Variants in FDFT1 observed in about 807,000 individuals in gnomAD.
FDFT1 encodes farnesyl-diphosphate farnesyltransferase 1, also known as squalene synthase.
A neutral mutation model predicts 46.8 loss-of-function variants in FDFT1; 68 were observed. The observed-to-expected ratio is 1.45, with a 90% CI of 1.19 to 1.78. FDFT1 has a LOEUF of 1.78. Ranked by LOEUF, FDFT1 falls within the 40% of genes most tolerant of loss-of-function variation. The pLI, the probability that FDFT1 is intolerant of heterozygous loss-of-function variation, is 0.00. For synonymous variants in FDFT1, 351 were observed against 185.1 expected, an observed-to-expected ratio of 1.90 and a Z score of -7.28; for missense variants, 928 against 524.4, an observed-to-expected ratio of 1.77 and a Z score of -7.52.
upstream of FDFT1, chr8:11,802,691 C>T (rs1035184157): frequency 9.0e-6 from 6 of 665,012 alleles, no homozygotes; most frequent in Non-Finnish European, 1.5e-5. Flanking sequence ...GGCGGAGCGG[C>T]GGGCGGGGCG....
intron 5 of FDFT1, among the ~76,000 whole-genome samples, chr8:11,829,222 T>G (rs1810431975): frequency 6.6e-6 from 1 of 152,212 alleles, no homozygotes; most frequent in Non-Finnish European, 1.5e-5. Flanking sequence ...AATAGAGAAT[T>G]TGCCATTTTA....
At chr8:11,835,248 TA>T (rs1811379188) in intron 7 of FDFT1, among the ~76,000 whole-genome samples, 1 of 152,354 alleles carries the variant, frequency 6.6e-6, no homozygotes, top group East Asian at 1.9e-4. Flanking sequence ...AAGACCTGAA[TA>T]ATTGAGTTTG....
At chr8:11,811,889 G>A (rs754026447) in intron 3 of FDFT1, among the ~76,000 whole-genome samples, 16 of 152,238 alleles carry the variant, frequency 1.1e-4, no homozygotes, top group Admixed American at 3.9e-4. Flanking sequence ...TTCAGTTTGA[G>A]ATGGGACTGT....
chr8:11,833,608 T>G (rs1192242568), intron 7 of FDFT1, among the ~76,000 whole-genome samples: 1 of 152,216 alleles, frequency 6.6e-6, no homozygotes, highest in Non-Finnish European at 1.5e-5. Flanking sequence ...ATTCATAGTT[T>G]GAGGGCGAGG....
rs145913932 is a variant in FDFT1 at position 11,835,468 on chromosome 8, T to G, written c.1033-2920T>G. Among the ~76,000 whole-genome samples, 276 of 152,324 alleles carry G rather than the reference T, an allele frequency of 1.8e-3. 2 individuals are homozygous for G. The highest frequency in any genetic ancestry group is 6.4e-3 in the African/African-American group (267 of 41,576). The stretch of plus-strand genomic sequence containing the variant: ...TCAAAAGTTTTGCCACTAATTGTAT[T>G]ACCGGGGACTGTCACAACCAAGATT... On this transcript the variant is annotated intron_variant, in intron 7 of 7. Coordinates refer to ENST00000220584, the MANE Select transcript of FDFT1 (RefSeq NM_004462.5).
In FDFT1 at chr8:11,838,893, A is replaced by G; in HGVS notation, c.*284A>G. On this transcript the variant is annotated 3_prime_UTR_variant, in exon 8 of 8. Coordinates refer to ENST00000220584, the MANE Select transcript of FDFT1 (RefSeq NM_004462.5). ...CACGGTTTAGGTGAAGTCGCTGCAT[A>G]TGTGACTGTCATGAGATCCTACTTA... 1 of 426,156 alleles carries G rather than the reference A, an allele frequency of 2.3e-6. No individual in the cohort carries two copies. The highest frequency in any genetic ancestry group is 5.0e-5 in the East Asian group (1 of 20,030). 26.4% of individuals were successfully genotyped at this position (426,156 alleles called of 1,614,324 possible). A position where few individuals can be genotyped will look rare whatever the true frequency, so the allele number is the denominator to read the frequency against.
At chr8:11,803,372 T>A in intron 1 of FDFT1, 1 of 1,289,974 alleles carries the variant, frequency 7.8e-7, no homozygotes, top group Non-Finnish European at 1.0e-6. Context: ...TCCTCCAGTT[T>A]CACCACCTCT....
intron 5 of FDFT1, among the ~76,000 whole-genome samples, chr8:11,828,816 C>T (rs1235597791): frequency 1.3e-5 from 2 of 152,242 alleles, no homozygotes; most frequent in Admixed American, 6.5e-5. Context: ...CAGGGCTCCT[C>T]CATGCTGGGG....
rs10091427 is a variant in FDFT1 at position 11,833,866 on chromosome 8, G to A, written c.1032+2196G>A. Among the ~76,000 whole-genome samples, 176 of 152,358 alleles carry A rather than the reference G, an allele frequency of 1.2e-3. 1 individual carries two copies. Among genetic ancestry groups the A allele is most frequent in the African/African-American group, 4.2e-3 (173 of 41,588 alleles). On this transcript the variant is annotated intron_variant, in intron 7 of 7. Transcript: ENST00000220584. ...CAGTAAAACTCAAGGCATTAGGGGA[G>A]AAATGTTAATATTAATACTTAAGTT...
intron 7 of FDFT1, among the ~76,000 whole-genome samples, chr8:11,833,112 T>C (rs1391358570): frequency 1.3e-5 from 2 of 152,212 alleles, no homozygotes; most frequent in Non-Finnish European, 2.9e-5. Context: ...CCACATCGCT[T>C]TTAAAAACCC....
At chr8:11,834,598 C>A (rs555382080) in intron 7 of FDFT1, among the ~76,000 whole-genome samples, 2 of 151,806 alleles carry the variant, frequency 1.3e-5, no homozygotes, top group African/African-American at 4.8e-5. Context: ...CCAAACGTAT[C>A]GAATCAGAAT....
intron 3 of FDFT1, among the ~76,000 whole-genome samples, chr8:11,810,563 G>A (rs545270421): frequency 2.0e-5 from 3 of 152,318 alleles, no homozygotes; most frequent in East Asian, 3.9e-4. Context: ...TATTCTGTAA[G>A]TATTAGCTAT....
At chr8:11,824,590 G>A (rs1317094078) in intron 4 of FDFT1, among the ~76,000 whole-genome samples, 1 of 121,254 alleles carries the variant, frequency 8.2e-6, no homozygotes, top group African/African-American at 2.5e-5. Context: ...ACTGTGCCTG[G>A]CTAATTTTTT....
upstream of FDFT1, among the ~76,000 whole-genome samples, chr8:11,800,306 TA>T (rs1238656371): frequency 2.1e-5 from 3 of 144,568 alleles, no homozygotes; most frequent in Non-Finnish European, 4.5e-5. Context: ...GCTTGAACAT[TA>T]ATTTACTAAG....
At chr8:11,829,846 T>G (rs1313484725) in intron 5 of FDFT1, among the ~76,000 whole-genome samples, 1 of 151,826 alleles carries the variant, frequency 6.6e-6, no homozygotes, top group Non-Finnish European at 1.5e-5. Flanking sequence ...TTTTTTTTGT[T>G]TTGTTTTGTT....
At chr8:11,829,026 G>A (rs568194053) in intron 5 of FDFT1, among the ~76,000 whole-genome samples, 1 of 152,176 alleles carries the variant, frequency 6.6e-6, no homozygotes, top group Non-Finnish European at 1.5e-5. Flanking sequence ...ATGCTGAGAA[G>A]TGGAATTGCT....
At chr8:11,799,454 C>T (rs1427761009), upstream of FDFT1, among the ~76,000 whole-genome samples, 1 of 152,188 alleles carries the variant, frequency 6.6e-6, no homozygotes, top group African/African-American at 2.4e-5. Context: ...CTGACTTCAC[C>T]ATTGCCTGCA....
In FDFT1 at chr8:11,830,299, A is replaced by C; in HGVS notation, c.758A>C (p.Asp253Ala). The C allele has an allele frequency of 6.2e-7, 1 of 1,613,944 alleles. No homozygotes were observed. The highest frequency in any genetic ancestry group is 8.5e-7 in the Non-Finnish European group (1 of 1,179,834). ...LGDFAKPENI[D>A]LAVQCLNELI... ...GATTTTGCTAAGCCGGAGAATATTG[A>C]CTTGGCCGTGCAGTGCCTGAATGAA... Residue 253 changes from aspartate (D) to alanine (A), a missense_variant, in exon 6 of 8, where the codon GAC becomes GCC. Coordinates refer to ENST00000220584, the MANE Select transcript of FDFT1 (RefSeq NM_004462.5).
chr8:11,799,555 C>T (rs1003965478), upstream of FDFT1, among the ~76,000 whole-genome samples: 1 of 152,212 alleles, frequency 6.6e-6, no homozygotes, highest in Non-Finnish European at 1.5e-5. Flanking sequence ...TTAATGCCAG[C>T]CAGTTGTGTA....
Sources: allele counts gnomAD v4.1 joint callset (sites outside exome capture counted in the v4.1 genomes callset), GRCh38; gene constraint gnomAD v4.1.1; transcripts MANE v1.5; gene names NCBI Gene and HGNC (gene_info 2026-07-23, HGNC 2026-07-21).